Variants in JAZF1 observed in about 807,000 individuals in gnomAD.
JAZF1 encodes the protein JAZF zinc finger 1, also known as juxtaposed with another zinc finger protein 1.
A neutral mutation model predicts 26.4 loss-of-function variants in JAZF1; 8 were observed. That is an observed-to-expected ratio of 0.30 (90% CI 0.18 to 0.55). The LOEUF (loss-of-function observed/expected upper bound fraction) is 0.55, where lower values mean the gene tolerates loss of function less well. Among genes scored for constraint, JAZF1 ranks in the 20% least tolerant of loss-of-function variants. JAZF1 has a pLI of 0.94. For missense variants in JAZF1, 199 were observed against 322.0 expected (o/e 0.62, Z 2.92); for synonymous variants, 126 against 122.3 (o/e 1.03, Z -0.20).
At chr7:28,066,327 G>A (rs1342091654) in intron 1 of JAZF1, among the ~76,000 whole-genome samples, 1 of 152,202 alleles carries the variant, frequency 6.6e-6, no homozygotes, top group East Asian at 1.9e-4. Flanking sequence ...AACAAGGCTG[G>A]GCGCAGTGGC....
intron 3 of JAZF1, among the ~76,000 whole-genome samples, chr7:27,869,492 C>T (rs569074597): frequency 1.3e-5 from 2 of 152,142 alleles, no homozygotes; most frequent in Non-Finnish European, 2.9e-5. Context: ...CAAACATCTG[C>T]AGCATCAGCT....
At position 27,991,904 on chromosome 7, in the gene JAZF1, CT is replaced by C; in HGVS notation, c.188+4del. The C allele has an allele frequency of 6.5e-7, 1 of 1,531,880 alleles. No individual in the cohort carries two copies. The highest frequency in any genetic ancestry group is 9.0e-7 in the Non-Finnish European group (1 of 1,114,772). The allele number at this position is 1,531,880 out of a possible 1,614,324, so 94.9% of individuals were successfully genotyped here. The stretch of plus-strand genomic sequence containing the variant: ...TTGTTATAATAAATTCTGAAAATGG[CT>C]TACCTATTTATGTAACTCAGGGCAA... On this transcript the variant is annotated splice_donor_region_variant and intron_variant, in intron 2 of 4. Transcript: ENST00000283928.
At chr7:28,177,044 C>T (rs1783560094) in intron 1 of JAZF1, among the ~76,000 whole-genome samples, 1 of 152,068 alleles carries the variant, frequency 6.6e-6, no homozygotes, top group African/African-American at 2.4e-5. Flanking sequence ...CAGACTCAGA[C>T]CTATGAATGA....
At chr7:28,043,163 C>T (rs1215031524) in intron 1 of JAZF1, among the ~76,000 whole-genome samples, 1 of 152,162 alleles carries the variant, frequency 6.6e-6, no homozygotes, top group African/African-American at 2.4e-5. Context: ...TGAACTGTGA[C>T]ATAAGGAGGC....
intron 3 of JAZF1, among the ~76,000 whole-genome samples, chr7:27,876,207 A>G (rs1783676567): frequency 6.6e-6 from 1 of 152,244 alleles, no homozygotes; most frequent in South Asian, 2.1e-4. Context: ...GCCTCTGGCC[A>G]AGGTGGGGTG....
At chr7:28,172,246 A>G (rs897393774) in intron 1 of JAZF1, among the ~76,000 whole-genome samples, 1 of 152,232 alleles carries the variant, frequency 6.6e-6, no homozygotes, top group African/African-American at 2.4e-5. Context: ...AATTATTGAC[A>G]ATTCAGAAAA....
At chr7:28,070,941 G>A (rs1002087008) in intron 1 of JAZF1, among the ~76,000 whole-genome samples, 1 of 152,196 alleles carries the variant, frequency 6.6e-6, no homozygotes, top group African/African-American at 2.4e-5. Flanking sequence ...TGCACACACA[G>A]AGCAGACATT....
intron 2 of JAZF1, among the ~76,000 whole-genome samples, chr7:27,920,683 C>T (rs1784513581): frequency 6.6e-6 from 1 of 152,192 alleles, no homozygotes; most frequent in Admixed American, 6.5e-5. Flanking sequence ...TCTGATCTGC[C>T]TCAGTAGCCC....
intron 1 of JAZF1, among the ~76,000 whole-genome samples, chr7:28,151,064 C>T (rs760342380): frequency 3.3e-5 from 5 of 151,536 alleles, no homozygotes; most frequent in Non-Finnish European, 5.9e-5. Context: ...CAAATGTTAA[C>T]AGCAGTAGCT....
intron 2 of JAZF1, among the ~76,000 whole-genome samples, chr7:27,987,338 C>A (rs529731610): frequency 6.6e-6 from 1 of 151,780 alleles, no homozygotes; most frequent in South Asian, 2.1e-4. Context: ...GTGTCTCTGC[C>A]CGACCGCCAC....
At chr7:27,868,203 C>G (rs1391417296) in intron 3 of JAZF1, among the ~76,000 whole-genome samples, 1 of 152,232 alleles carries the variant, frequency 6.6e-6, no homozygotes, top group Admixed American at 6.5e-5. Context: ...ACACATGACA[C>G]CATCTATTGG....
At chr7:28,088,457 G>A (rs1784242694) in intron 1 of JAZF1, among the ~76,000 whole-genome samples, 1 of 152,208 alleles carries the variant, frequency 6.6e-6, no homozygotes, top group Non-Finnish European at 1.5e-5. Flanking sequence ...CAGGTAATTA[G>A]ATCTAAAGGC....
intron 1 of JAZF1, among the ~76,000 whole-genome samples, chr7:28,040,951 G>A (rs1187041594): frequency 6.6e-6 from 1 of 152,028 alleles, no homozygotes; most frequent in Non-Finnish European, 1.5e-5. Context: ...GTTCCTTAAT[G>A]TTCTATTAAG....
chr7:28,110,536 G>A lies in JAZF1; in HGVS notation c.115+69927C>T, dbSNP rs149974424. Among the ~76,000 whole-genome samples, 53 of 87,674 alleles carry A rather than the reference G, an allele frequency of 6.0e-4. 1 individual carries two copies. The highest frequency in any genetic ancestry group is 1.9e-3 in the African/African-American group (46 of 24,250). 57.5% of individuals were successfully genotyped at this position (87,674 alleles called of 152,430 possible). ...AAGGAAAAGGAAAAGGAAAAGGAAA[G>A]GAAAAGGAAAAGGAAAAGGAAAGGG... is the stretch of plus-strand genomic sequence containing the variant. On this transcript the variant is annotated intron_variant, in intron 1 of 4. Coordinates refer to ENST00000283928, the MANE Select transcript of JAZF1 (RefSeq NM_175061.4).
intron 2 of JAZF1, among the ~76,000 whole-genome samples, chr7:27,902,699 T>A (rs1430688138): frequency 1.3e-5 from 2 of 152,166 alleles, no homozygotes; most frequent in Admixed American, 6.5e-5. Context: ...GCTTAACAAA[T>A]GTCAGGTTCC....
rs138567758 is a variant in JAZF1 at position 27,911,969 on chromosome 7, G to C, written c.189-16553C>G. ...TTATTTAAGAGTGAAGATCTGAAAT[G>C]AAAAAGTACATTTATTTATTTGAGT... On this transcript the variant is annotated intron_variant, in intron 2 of 4. Transcript: ENST00000283928. Among the ~76,000 whole-genome samples, 482 of 152,286 alleles carry C rather than the reference G, an allele frequency of 3.2e-3. 3 individuals carry two copies. The highest frequency in any genetic ancestry group is 0.011 in the African/African-American group (457 of 41,570).
At chr7:27,874,142 G>A (rs1228790901) in intron 3 of JAZF1, among the ~76,000 whole-genome samples, 2 of 152,226 alleles carry the variant, frequency 1.3e-5, no homozygotes, top group Non-Finnish European at 2.9e-5. Context: ...GAAGGTCCAA[G>A]GTCACTGCCC....
At chr7:28,033,827 C>A (rs1253838446) in intron 1 of JAZF1, among the ~76,000 whole-genome samples, 1 of 152,130 alleles carries the variant, frequency 6.6e-6, no homozygotes, top group African/African-American at 2.4e-5. Flanking sequence ...ACCACAATCT[C>A]CACTTCCTGG....
intron 2 of JAZF1, among the ~76,000 whole-genome samples, chr7:27,946,701 G>T (rs973008984): frequency 2.0e-5 from 3 of 152,140 alleles, no homozygotes; most frequent in African/African-American, 7.2e-5. Flanking sequence ...AATTATTCTA[G>T]GCCACTGAGG....
Sources: allele counts gnomAD v4.1 joint callset (sites outside exome capture counted in the v4.1 genomes callset), GRCh38; gene constraint gnomAD v4.1.1; transcripts MANE v1.5; gene names NCBI Gene and HGNC (gene_info 2026-07-23, HGNC 2026-07-21).